HOXA3: variants seen among roughly 807,000 people sequenced by gnomAD.
HOXA3 encodes the protein homeobox protein Hox-A3.
Under a neutral mutation model 30.3 loss-of-function variants are expected in HOXA3, and 8 were observed. The observed-to-expected ratio is 0.26, with a 90% CI of 0.15 to 0.48. HOXA3 has a LOEUF of 0.48. Among genes scored for constraint, HOXA3 ranks in the 20% least tolerant of loss-of-function variants. The pLI is 0.99. For missense variants in HOXA3, 653 were observed against 614.4 expected (o/e 1.06, Z -0.66); for synonymous variants, 323 against 273.1 (o/e 1.18, Z -1.80).
intron 2 of HOXA3, among the ~76,000 whole-genome samples, chr7:27,131,291 T>A (rs1460815926): frequency 2.0e-5 from 3 of 152,082 alleles, no homozygotes; most frequent in East Asian, 1.9e-4. Context: ...CCGAGGGGCA[T>A]CCTGGTTTTT....
chr7:27,143,136 C>A, intron 1 of HOXA3: 1 of 1,608,066 alleles, frequency 6.2e-7, no homozygotes. Context: ...CTCGCCTGCT[C>A]GCTGCTGGCA....
intron 3 of HOXA3, 187 bp from the exon 4 acceptor site, chr7:27,122,829 G>A (rs1405226708): frequency 6.6e-6 from 1 of 152,162 alleles, no homozygotes; most frequent in African/African-American, 2.4e-5. Context: ...TCTACAAATG[G>A]TCCGAAGATG....
Position 27,110,286 on chromosome 7 carries a change from G to A in HOXA3, c.355C>T (p.Pro119Ser), listed in dbSNP as rs1440644090. 2.5e-6 allele frequency: 4 copies of A among 1,600,944 alleles called. No homozygotes were observed. Among genetic ancestry groups the A allele is most frequent in the East Asian group, 2.2e-5 (1 of 44,800 alleles). ...GGGGAGGCAGAAGAGGGAGGCGGGG[G>A]CGCGGCAGGGGTAGGTGCAGGGGGC... is the stretch of plus-strand genomic sequence containing the variant. The part of the protein sequence containing the change: ...PQPPAPTPAA[P>S]PPPSSASPPQ... The change falls in exon 5 of 6, where the codon CCC becomes TCC. Residue 119 changes from proline to serine, a missense_variant. Physicochemically the swap from Pro to Ser is moderately conservative, Grantham distance 74. This residue lies in a region of HOXA3 where 320 missense variants were observed against 321.9 expected (regional missense o/e 0.99). Coordinates refer to ENST00000612286, the MANE Select transcript of HOXA3 (RefSeq NM_153631.3).
intron 1 of HOXA3, among the ~76,000 whole-genome samples, chr7:27,149,289 G>A (rs1782887912): frequency 6.6e-6 from 1 of 152,234 alleles, no homozygotes; most frequent in Non-Finnish European, 1.5e-5. Context: ...ATTCTGTGGA[G>A]GTTGAAGAAA....
At chr7:27,147,149 G>A (rs1032697886) in intron 1 of HOXA3, 2 of 749,610 alleles carry the variant, frequency 2.7e-6, no homozygotes, top group Non-Finnish European at 4.2e-6. Context: ...GCCCCATTGG[G>A]AACTGATTTT....
chr7:27,129,238 G>A (rs1785408381), intron 2 of HOXA3: 2 of 1,539,862 alleles, frequency 1.3e-6, no homozygotes, highest in Middle Eastern at 1.7e-4. Context: ...TATGGAGGAG[G>A]GAACGGGTGT....
rs2128037593 is a variant in HOXA3, at chr7:27,108,002, C to T, written c.1245G>A (p.Gly415=). The change falls in exon 6 of 6, where the codon GGG becomes GGA. Residue 415 remains glycine, a synonymous_variant. Transcript: ENST00000612286. The surrounding 1 kb of genome is among the most constrained non-coding windows in gnomAD (Gnocchi z 5.0). ...GGTCCGTGTAGGTGGGGTGCGGCTC[C>T]CCAGGCCCCGGCCCGTGGTGGTGGC... ...GSGHHHGPGP[G]EPHPTYTDLT... The T allele has an allele frequency of 6.2e-7, 1 of 1,612,306 alleles. No homozygotes were observed. The highest frequency in any genetic ancestry group is 2.2e-5 in the East Asian group (1 of 44,810).
chr7:27,116,000 T>C (rs1784705028), intron 4 of HOXA3: 1 of 152,670 alleles, frequency 6.6e-6, no homozygotes, highest in Non-Finnish European at 1.5e-5. Flanking sequence ...TGGTGTTTTG[T>C]TTTTTAAGCG....
At chr7:27,141,057 T>C (rs1352837180) in intron 1 of HOXA3, 1 of 131,956 alleles carries the variant, frequency 7.6e-6, no homozygotes, top group African/African-American at 2.9e-5. Context: ...CAAGAGAACT[T>C]ACAATAGAAA....
Position 27,110,717 on chromosome 7 carries a change from G to A in HOXA3, c.-77C>T. On this transcript the variant is annotated 5_prime_UTR_variant, in exon 5 of 6. Coordinates refer to ENST00000612286, the MANE Select transcript of HOXA3 (RefSeq NM_153631.3). ...TGAGGGCGCACATTGGCACGCCCCC[G>A]CGGTCACGTGACACTCCGCCGCCAA... The A allele has an allele frequency of 3.2e-6, 5 of 1,575,132 alleles. No individual in the cohort carries two copies. In the South Asian group the frequency reaches 4.5e-5, roughly 14 times the overall value.
At chr7:27,145,733 C>T in intron 1 of HOXA3, 1 of 1,614,236 alleles carries the variant, frequency 6.2e-7, no homozygotes, top group Non-Finnish European at 8.5e-7. Context: ...CCTTTTTCCA[C>T]TTCATGCGGC....
At chr7:27,114,844 TAATATATA>T (rs1784607651) in intron 4 of HOXA3, among the ~76,000 whole-genome samples, 2 of 103,422 alleles carry the variant, frequency 1.9e-5, no homozygotes, top group Non-Finnish European at 4.0e-5. Context: ...ATTATATATA[TAATATATA>T]TTATATATAT....
Position 27,108,845 on chromosome 7 carries a change from G to T in HOXA3, c.527-125C>A. On this transcript the variant is annotated intron_variant, in intron 5 of 5. Coordinates refer to ENST00000612286, the MANE Select transcript of HOXA3 (RefSeq NM_153631.3). The surrounding 1 kb of genome is among the most constrained non-coding windows in gnomAD (Gnocchi z 5.0). ...TCCTGCATCCGTCAGGTCCCAGAGAGAAGTAGGAACTAGGTGCTATCCTCT... is the reference window on the plus strand; with the variant it reads ...TCCTGCATCCGTCAGGTCCCAGAGATAAGTAGGAACTAGGTGCTATCCTCT... 2 of 682,924 alleles carry T rather than the reference G, an allele frequency of 2.9e-6. No individual in the cohort carries two copies. The highest frequency in any genetic ancestry group is 2.4e-6 in the Non-Finnish European group (1 of 411,458). 42.3% of individuals were successfully genotyped at this position (682,924 alleles called of 1,614,324 possible). A position where few individuals can be genotyped will look rare whatever the true frequency, so the allele number is the denominator to read the frequency against.
At chr7:27,117,033 T>C (rs1434513643) in intron 4 of HOXA3, among the ~76,000 whole-genome samples, 4 of 152,174 alleles carry the variant, frequency 2.6e-5, no homozygotes, top group South Asian at 4.1e-4. Flanking sequence ...AAGCATCCCT[T>C]TCCCTACTGC....
chr7:27,141,771 C>G, intron 1 of HOXA3: 1 of 1,550,520 alleles, frequency 6.4e-7, no homozygotes, highest in South Asian at 1.2e-5. Flanking sequence ...TTCAGAAAGT[C>G]ACCTTAGTAC....
chr7:27,145,272 C>A (rs779440672), intron 1 of HOXA3: 58 of 226,182 alleles, frequency 2.6e-4, no homozygotes, highest in Non-Finnish European at 3.4e-4. Flanking sequence ...AGGGCTCTTT[C>A]CTCCCCAGCA....
Position 27,143,336 on chromosome 7 carries a change from G to A in HOXA3, c.-493-3150C>T. The A allele has an allele frequency of 1.3e-6, 2 of 1,594,608 alleles. No homozygotes were observed. The highest frequency in any genetic ancestry group is 1.7e-6 in the Non-Finnish European group (2 of 1,173,270). On this transcript the variant is annotated intron_variant, in intron 1 of 5. Coordinates refer to ENST00000612286, the MANE Select transcript of HOXA3 (RefSeq NM_153631.3). ...ATCGGGCTGAGGAGAGTGCGTGGAC[G>A]TGGCCGGCTGGCTGTACCTGGGCTC... is the stretch of plus-strand genomic sequence containing the variant.
chr7:27,148,333 G>A (rs1259630203), intron 1 of HOXA3, among the ~76,000 whole-genome samples: 2 of 152,262 alleles, frequency 1.3e-5, no homozygotes, highest in Non-Finnish European at 2.9e-5. Flanking sequence ...GCGAGTTCTT[G>A]AGCTGGAGCA....
At position 27,145,273 on chromosome 7, in the gene HOXA3, C is replaced by A. The variant is rs184365452; in HGVS notation, c.-493-5087G>T. 8 of 227,628 alleles carry A rather than the reference C, an allele frequency of 3.5e-5. No homozygotes were observed. In the East Asian group the frequency reaches 7.9e-4, roughly 22 times the overall value. 14.1% of individuals were successfully genotyped at this position (227,628 alleles called of 1,614,324 possible). On this transcript the variant is annotated intron_variant, in intron 1 of 5. Transcript: ENST00000612286. ...ACGGGGCTCGGCCCAGGGCTCTTTC[C>A]TCCCCAGCAGCCCCGCGTCCCGAGG...
Sources: gnomAD v4.1 joint callset for allele counts (sites outside exome capture counted in the v4.1 genomes callset) on GRCh38, gnomAD v4.1.1 for gene constraint, gnomAD v4.1.1 regional missense constraint, Gnocchi (gnomAD v3.1) non-coding constraint, MANE v1.5 for transcripts, NCBI Gene and HGNC (gene_info 2026-07-23, HGNC 2026-07-21) for gene names.